Variants in HIVEP2 observed in about 807,000 individuals in gnomAD.
HIVEP2 encodes the protein HIVEP zinc finger 2, also known as transcription factor HIVEP2.
A neutral mutation model predicts 180.7 loss-of-function variants in HIVEP2; 14 were observed. The observed-to-expected ratio is 0.08, with a 90% CI of 0.05 to 0.12. The LOEUF (loss-of-function observed/expected upper bound fraction) is 0.12, where lower values mean the gene tolerates loss of function less well. Among genes scored for constraint, HIVEP2 ranks in the 10% least tolerant of loss-of-function variants. HIVEP2 has a pLI of 1.00. For missense variants in HIVEP2, 2,579 were observed against 3,008.5 expected (o/e 0.86, Z 3.34); for synonymous variants, 1,184 against 1,136.4 (o/e 1.04, Z -0.84).
intron 2 of HIVEP2, among the ~76,000 whole-genome samples, chr6:142,800,637 G>A (rs1047663824): frequency 1.3e-5 from 2 of 152,074 alleles, no homozygotes; most frequent in African/African-American, 4.8e-5. Context: ...TCTTAGAAAT[G>A]CTTCCCTTTA....
intron 1 of HIVEP2, among the ~76,000 whole-genome samples, chr6:142,857,663 G>T (rs1386431550): frequency 6.6e-6 from 1 of 152,230 alleles, no homozygotes; most frequent in Admixed American, 6.5e-5. Context: ...AAACTTCAGA[G>T]TGTGGGTATT....
At chr6:142,912,408 T>C (rs907804403) in intron 1 of HIVEP2, among the ~76,000 whole-genome samples, 2 of 152,218 alleles carry the variant, frequency 1.3e-5, no homozygotes, top group Non-Finnish European at 2.9e-5. Flanking sequence ...CATATATTTC[T>C]CCTCAGAAAT....
chr6:142,892,376 T>C (rs1313556690), intron 1 of HIVEP2, among the ~76,000 whole-genome samples: 1 of 152,144 alleles, frequency 6.6e-6, no homozygotes, highest in Admixed American at 6.6e-5. Context: ...TCTGCTGGCA[T>C]GGATAAAGCT....
intron 1 of HIVEP2, among the ~76,000 whole-genome samples, chr6:142,870,853 T>A (rs986511616): frequency 7.2e-5 from 11 of 152,136 alleles, no homozygotes; most frequent in African/African-American, 2.7e-4. Flanking sequence ...ACAAACAACC[T>A]CCCATTTTAA....
intron 1 of HIVEP2, among the ~76,000 whole-genome samples, chr6:142,871,713 T>C (rs198674): frequency 0.63 from 96,154 of 151,850 alleles, 30,893 homozygotes; most frequent in African/African-American, 0.68. Flanking sequence ...CTCCTCTCCC[T>C]AATTACTACT....
chr6:142,866,326 C>G (rs143693637), intron 1 of HIVEP2, among the ~76,000 whole-genome samples: 19 of 152,302 alleles, frequency 1.2e-4, no homozygotes, highest in African/African-American at 4.6e-4. Context: ...ACCTGGCACA[C>G]AGTAAGTGCT....
chr6:142,777,058 G>A (rs940752380), intron 3 of HIVEP2, among the ~76,000 whole-genome samples: 1 of 152,148 alleles, frequency 6.6e-6, no homozygotes, highest in Non-Finnish European at 1.5e-5. Flanking sequence ...GAACTTCAAT[G>A]ATAAACTGTA....
chr6:142,823,024 G>C (rs912522005), intron 2 of HIVEP2, among the ~76,000 whole-genome samples: 11 of 152,154 alleles, frequency 7.2e-5, no homozygotes, highest in Non-Finnish European at 1.5e-4. Context: ...ATTCCAGCAA[G>C]GGAGACTTAC....
At chr6:142,776,731 C>T (rs1775711547) in intron 3 of HIVEP2, among the ~76,000 whole-genome samples, 2 of 152,108 alleles carry the variant, frequency 1.3e-5, no homozygotes, top group Admixed American at 1.3e-4. Flanking sequence ...TGAGCTCTTG[C>T]CATATTGCCC....
Position 142,786,098 on chromosome 6 carries a change from A to G in HIVEP2, c.-527-2483T>C, listed in dbSNP as rs544791487. Among the ~76,000 whole-genome samples, 3 of 152,288 alleles carry G rather than the reference A, an allele frequency of 2.0e-5. No individual in the cohort carries two copies. The South Asian group carries it at 6.2e-4, about 32-fold the overall frequency. On this transcript the variant is annotated intron_variant, in intron 2 of 9. Transcript: ENST00000367603. ...ATCTCAGAAATTTATTTTTTGCATTAATTTTAAGTGAGTTTTTGTGTCTTT... is the reference window on the plus strand; with the variant it reads ...ATCTCAGAAATTTATTTTTTGCATTGATTTTAAGTGAGTTTTTGTGTCTTT...
chr6:142,769,310 T>A lies in HIVEP2; in HGVS notation c.5187+242A>T, dbSNP rs73780161. On this transcript the variant is annotated intron_variant, in intron 5 of 9. Transcript: ENST00000367603. Reference sequence around the variant, plus strand: ...TAGGATTTCATGGCACCCAAATTTTTAAATTTTAAAAGCATAAATGTAGGC... The same window carrying A: ...TAGGATTTCATGGCACCCAAATTTTAAAATTTTAAAAGCATAAATGTAGGC... Among the ~76,000 whole-genome samples the A allele has an allele frequency of 7.4e-3, 1,127 of 152,320 alleles. 16 individuals carry two copies. The highest frequency in any genetic ancestry group is 0.025 in the African/African-American group (1,053 of 41,550).
Position 142,932,471 on chromosome 6 carries a change from T to TA in HIVEP2, c.-641+12627dup, listed in dbSNP as rs1336492869. Among the ~76,000 whole-genome samples, 4 of 152,082 alleles carry TA rather than the reference T, an allele frequency of 2.6e-5. No homozygotes were observed. The East Asian group carries it at 5.8e-4, about 22-fold the overall frequency. On this transcript the variant is annotated intron_variant, in intron 1 of 9. Transcript: ENST00000367603. ...AAGCAATTTATTTTTGAGGAGTTAT[T>TA]AAAAAAAACTCAGCCTGGAGTAAAT...
chr6:142,753,349 C>T lies in HIVEP2; in HGVS notation c.7099G>A (p.Val2367Ile). 1.2e-6 allele frequency: 2 copies of T among 1,614,158 alleles called. No individual in the cohort carries two copies. The highest frequency in any genetic ancestry group is 1.7e-6 in the Non-Finnish European group (2 of 1,180,034). Residue 2367 changes from valine to isoleucine, a missense_variant, in exon 10 of 10, where the codon GTT becomes ATT. This residue lies in a region of HIVEP2 where 660 missense variants were observed against 731.7 expected (regional missense o/e 0.90). Coordinates refer to ENST00000367603, the MANE Select transcript of HIVEP2 (RefSeq NM_006734.4). Reference sequence around the variant, plus strand: ...GGTCTACTAAAGTGTCTAATGCTAACATGTGCACTTCCCAGGGGGTTCTGG... The same window carrying T: ...GGTCTACTAAAGTGTCTAATGCTAATATGTGCACTTCCCAGGGGGTTCTGG... ...PHQNPLGSAH[V>I]SIRHFSRPEP...
intron 1 of HIVEP2, among the ~76,000 whole-genome samples, chr6:142,853,290 C>T (rs1270016027): frequency 6.6e-6 from 1 of 152,162 alleles, no homozygotes; most frequent in Non-Finnish European, 1.5e-5. Flanking sequence ...AGAAGTTACA[C>T]TCCCAGTAGA....
intron 3 of HIVEP2, among the ~76,000 whole-genome samples, chr6:142,782,825 T>C (rs1439749585): frequency 6.6e-6 from 1 of 152,246 alleles, no homozygotes; most frequent in Non-Finnish European, 1.5e-5. Context: ...TTAGTCAAGA[T>C]ATTTATGACT....
At position 142,753,094 on chromosome 6, in the gene HIVEP2, C is replaced by T. The variant is rs1350080184; in HGVS notation, c.*13G>A. ...GGGAAAATGTGGAAATGAAAGTCTC[C>T]ATGCATCATAGATCAATGTAGCTGA... On this transcript the variant is annotated 3_prime_UTR_variant, in exon 10 of 10. Coordinates refer to ENST00000367603, the MANE Select transcript of HIVEP2 (RefSeq NM_006734.4). 6.9e-7 allele frequency: 1 copy of T among 1,456,636 alleles called. No individual in the cohort carries two copies. The allele number at this position is 1,456,636 out of a possible 1,614,324, so 90.2% of individuals were successfully genotyped here.
chr6:142,834,959 CTTCCTTACCAAAAGAAG>C (rs149978106), intron 2 of HIVEP2, among the ~76,000 whole-genome samples: 38,739 of 152,024 alleles, frequency 0.25, 5,536 homozygotes, highest in South Asian at 0.36. Context: ...ATATGAAGTC[CTTCCTTACCAAAAGAAG>C]TATTTGATTT....
intron 1 of HIVEP2, among the ~76,000 whole-genome samples, chr6:142,941,378 T>G (rs1031497979): frequency 6.6e-6 from 1 of 152,258 alleles, no homozygotes; most frequent in Admixed American, 6.5e-5. Flanking sequence ...CTCTTTTTCA[T>G]AAGCATTGCC....
Position 142,760,658 on chromosome 6 carries a change from T to A in HIVEP2, c.5630A>T (p.Glu1877Val). Residue 1877 changes from glutamate to valine, a missense_variant, in exon 9 of 10, where the codon GAA becomes GTA. Coordinates refer to ENST00000367603, the MANE Select transcript of HIVEP2 (RefSeq NM_006734.4). ...CTTCTCTGCTGCTTTGTGCAAATCT[T>A]CCAAATTTTCTGAAACAATTAAACA... ...DTETEEAENL[E>V]DLHKAAEKHS... is the part of the protein sequence containing the mutation. 6.3e-7 allele frequency: 1 copy of A among 1,590,276 alleles called. No individual in the cohort carries two copies. The highest frequency in any genetic ancestry group is 1.1e-5 in the South Asian group (1 of 87,182).
Sources: allele counts gnomAD v4.1 joint callset (sites outside exome capture counted in the v4.1 genomes callset), GRCh38; gene constraint gnomAD v4.1.1; regional missense constraint gnomAD v4.1.1; transcripts MANE v1.5; gene names NCBI Gene and HGNC (gene_info 2026-07-23, HGNC 2026-07-21).